The following ARHGAP15 variants were observed in gnomAD, a reference collection of about 807,000 sequenced individuals.
ARHGAP15 encodes rho GTPase-activating protein 15.
Under a neutral mutation model 63.7 loss-of-function variants are expected in ARHGAP15, and 51 were observed. The ratio of observed to expected loss-of-function variants is 0.80; its 90% CI spans 0.64 to 1.01. The LOEUF is 1.01. Among genes scored for constraint, ARHGAP15 ranks in the 50% least tolerant of loss-of-function variants. ARHGAP15 has a pLI of 0.00. For synonymous variants in ARHGAP15, 191 were observed against 193.8 expected, an observed-to-expected ratio of 0.99 and a Z score of 0.12; for missense variants, 560 against 564.6, an observed-to-expected ratio of 0.99 and a Z score of 0.08.
intron 12 of ARHGAP15, among the ~76,000 whole-genome samples, chr2:143,673,746 G>GTATATATA (rs1405952200): frequency 0.023 from 662 of 29,276 alleles, 23 homozygotes; most frequent in Non-Finnish European, 0.058. Flanking sequence ...GTGTGTGTGT[G>GTATATATA]TGTGTGTGTG....
intron 9 of ARHGAP15, among the ~76,000 whole-genome samples, chr2:143,514,948 C>CCCAATA (rs1693744756): frequency 6.6e-6 from 1 of 152,042 alleles, no homozygotes; most frequent in South Asian, 2.1e-4. Context: ...TTTGGCCGAG[C>CCCAATA]CCAATATCAA....
At chr2:143,302,500 G>T (rs980060173) in intron 6 of ARHGAP15, among the ~76,000 whole-genome samples, 1 of 151,930 alleles carries the variant, frequency 6.6e-6, no homozygotes, top group African/African-American at 2.4e-5. Flanking sequence ...TGAAAAATCT[G>T]CATTTCTGGT....
chr2:143,217,732 A>AT (rs1399409461), intron 4 of ARHGAP15, among the ~76,000 whole-genome samples: 1 of 152,108 alleles, frequency 6.6e-6, no homozygotes, highest in Non-Finnish European at 1.5e-5. Flanking sequence ...GGAGGGTACA[A>AT]TGATGCCTCT....
At chr2:143,157,726 T>C (rs1282403088) in intron 2 of ARHGAP15, among the ~76,000 whole-genome samples, 1 of 151,720 alleles carries the variant, frequency 6.6e-6, no homozygotes. Flanking sequence ...ATCTCTTTTT[T>C]CCATGCACAA....
At chr2:143,735,138 T>C (rs1427414502) in intron 13 of ARHGAP15, among the ~76,000 whole-genome samples, 3 of 152,242 alleles carry the variant, frequency 2.0e-5, no homozygotes, top group Non-Finnish European at 4.4e-5. Flanking sequence ...TTAAACGTAA[T>C]TTCTTTTTCT....
chr2:143,473,324 T>C (rs890848923), intron 8 of ARHGAP15, among the ~76,000 whole-genome samples: 11 of 152,320 alleles, frequency 7.2e-5, no homozygotes, highest in African/African-American at 2.6e-4. Flanking sequence ...CACACTAACG[T>C]TCACAGGTGG....
At chr2:143,677,682 C>A (rs993405213) in intron 12 of ARHGAP15, among the ~76,000 whole-genome samples, 26 of 152,082 alleles carry the variant, frequency 1.7e-4, no homozygotes, top group African/African-American at 5.8e-4. Flanking sequence ...AACCACAGAC[C>A]AGGAATTTGA....
rs1283577047 is a variant in ARHGAP15 at position 143,704,377 on chromosome 2, G to T, written c.1244+853G>T. Among the ~76,000 whole-genome samples, 8 of 152,264 alleles carry T rather than the reference G, an allele frequency of 5.3e-5. 1 individual carries two copies. The highest frequency in any genetic ancestry group is 3.3e-4 in the Admixed American group (5 of 15,286). On this transcript the variant is annotated intron_variant, in intron 13 of 13. Coordinates refer to ENST00000295095, the MANE Select transcript of ARHGAP15 (RefSeq NM_018460.4). ...TGGTGGCTTGAGTGGAGCCCTCAGA[G>T]AGAAATGGGTAGAGATATTGTGGAG...
intron 6 of ARHGAP15, among the ~76,000 whole-genome samples, chr2:143,288,168 T>C (rs1682205542): frequency 6.6e-6 from 1 of 152,172 alleles, no homozygotes; most frequent in Admixed American, 6.5e-5. Flanking sequence ...CGGCCTCCCA[T>C]GGTGACAGAA....
In ARHGAP15 at chr2:143,487,367, C is replaced by A. The variant is rs1026995606; in HGVS notation, c.704-6C>A. 2.5e-5 allele frequency: 40 copies of A among 1,591,784 alleles called. No homozygotes were observed. The highest frequency in any genetic ancestry group is 3.3e-5 in the Non-Finnish European group (39 of 1,173,484). On this transcript the variant is annotated splice_polypyrimidine_tract_variant and splice_region_variant and intron_variant, in intron 8 of 13. Transcript: ENST00000295095. ...CCAAAAGCCTCTGATTTTTTTAAATCTTCAGTGTTCAGACTGCATCACAGT... is the reference window on the plus strand; with the variant it reads ...CCAAAAGCCTCTGATTTTTTTAAATATTCAGTGTTCAGACTGCATCACAGT...
intron 13 of ARHGAP15, among the ~76,000 whole-genome samples, chr2:143,717,151 T>C (rs1275461280): frequency 6.6e-6 from 1 of 152,216 alleles, no homozygotes; most frequent in Non-Finnish European, 1.5e-5. Context: ...TCACCTTCTT[T>C]CTCCTCTTTA....
At chr2:143,273,467 A>G (rs1681396471) in intron 6 of ARHGAP15, among the ~76,000 whole-genome samples, 1 of 152,170 alleles carries the variant, frequency 6.6e-6, no homozygotes. Context: ...AGTCAAAAAA[A>G]ATGGTAATAC....
chr2:143,575,556 C>G lies in ARHGAP15; in HGVS notation c.1003+19071C>G, dbSNP rs73961810. The stretch of plus-strand genomic sequence containing the variant: ...CCCAGTAGGGGGAGCTTTCTTTTCC[C>G]TACTGTAAGGACAGCATGGTGCATG... On this transcript the variant is annotated intron_variant, in intron 11 of 13. Coordinates refer to ENST00000295095, the MANE Select transcript of ARHGAP15 (RefSeq NM_018460.4). Among the ~76,000 whole-genome samples the G allele has an allele frequency of 6.9e-3, 1,057 of 152,188 alleles. 8 individuals carry two copies. The highest frequency in any genetic ancestry group is 0.024 in the African/African-American group (986 of 41,530).
intron 12 of ARHGAP15, among the ~76,000 whole-genome samples, chr2:143,630,298 C>T (rs534364052): frequency 6.6e-6 from 1 of 152,150 alleles, no homozygotes; most frequent in African/African-American, 2.4e-5. Flanking sequence ...TCAATATCTC[C>T]TTTTGAAATT....
chr2:143,689,017 TTG>T (rs1366505905), intron 12 of ARHGAP15, among the ~76,000 whole-genome samples: 1 of 152,160 alleles, frequency 6.6e-6, no homozygotes, highest in Non-Finnish European at 1.5e-5. Flanking sequence ...TGTGCTTGAC[TTG>T]CATATTTTTC....
chr2:143,456,060 A>G (rs527926193), intron 8 of ARHGAP15, among the ~76,000 whole-genome samples: 1 of 152,228 alleles, frequency 6.6e-6, no homozygotes, highest in South Asian at 2.1e-4. Flanking sequence ...CACTGTAATA[A>G]TGACGAATCT....
intron 1 of ARHGAP15, among the ~76,000 whole-genome samples, chr2:143,146,010 G>C (rs1192406031): frequency 2.0e-5 from 3 of 151,688 alleles, no homozygotes. Context: ...AACTCATTTA[G>C]AGGAAATCAT....
chr2:143,551,490 AG>A (rs1184428982), intron 10 of ARHGAP15, among the ~76,000 whole-genome samples: 8 of 152,178 alleles, frequency 5.3e-5, no homozygotes, highest in Admixed American at 5.2e-4. Flanking sequence ...GTCTTTGGAA[AG>A]CATGTTGGGG....
intron 6 of ARHGAP15, among the ~76,000 whole-genome samples, chr2:143,397,039 C>T (rs1342334828): frequency 6.6e-6 from 1 of 152,054 alleles, no homozygotes; most frequent in Non-Finnish European, 1.5e-5. Flanking sequence ...AGTTCTCCTC[C>T]TCCACATTAT....
Sources: gnomAD v4.1 joint callset for allele counts (sites outside exome capture counted in the v4.1 genomes callset) on GRCh38, gnomAD v4.1.1 for gene constraint, MANE v1.5 for transcripts, NCBI Gene and HGNC (gene_info 2026-07-23, HGNC 2026-07-21) for gene names.